The following FOXP1 variants were observed in gnomAD, a reference collection of about 807,000 sequenced individuals.
The protein encoded by FOXP1 is forkhead box protein P1.
In FOXP1, 15 loss-of-function variants were observed where a neutral mutation model predicts 98.2. The observed-to-expected ratio is 0.15, with a 90% CI of 0.10 to 0.24. The LOEUF (loss-of-function observed/expected upper bound fraction) is 0.24, where lower values mean the gene tolerates loss of function less well. Ranked by LOEUF, FOXP1 falls within the 10% of genes least tolerant of loss-of-function variation. FOXP1 has a pLI of 1.00. For missense variants in FOXP1, 633 were observed against 848.5 expected, an observed-to-expected ratio of 0.75 and a Z score of 3.15; for synonymous variants, 371 against 314.5, an observed-to-expected ratio of 1.18 and a Z score of -1.90.
intron 11 of FOXP1, among the ~76,000 whole-genome samples, chr3:71,035,569 C>T (rs1334318411): frequency 2.6e-5 from 4 of 152,066 alleles, no homozygotes; most frequent in East Asian, 3.9e-4. Context: ...CATAATTTGC[C>T]GAGCTCTGTT....
chr3:71,085,073 C>T (rs1576659051), intron 7 of FOXP1, among the ~76,000 whole-genome samples: 1 of 152,156 alleles, frequency 6.6e-6, no homozygotes, highest in African/African-American at 2.4e-5. Flanking sequence ...TTGCCAAAAG[C>T]CACTTATTTC....
chr3:70,992,700 T>C (rs1269224872), intron 13 of FOXP1, among the ~76,000 whole-genome samples: 1 of 152,188 alleles, frequency 6.6e-6, no homozygotes, highest in African/African-American at 2.4e-5. Flanking sequence ...TTAAAGACTC[T>C]CTTGACATTT....
rs2032561128 is a variant in FOXP1, at chr3:70,959,120, T to A, written c.*127A>T. The A allele has an allele frequency of 2.0e-5, 22 of 1,101,512 alleles. No individual in the cohort carries two copies. The highest frequency in any genetic ancestry group is 3.0e-5 in the Non-Finnish European group (22 of 736,524). The allele number at this position is 1,101,512 out of a possible 1,614,324, so 68.2% of individuals were successfully genotyped here. A position where few individuals can be genotyped will look rare whatever the true frequency, so the allele number is the denominator to read the frequency against. On this transcript the variant is annotated 3_prime_UTR_variant, in exon 21 of 21. Transcript: ENST00000649528. ...TAAGAGTTAACACATTTCAGAGTTGTCAAAACGTAGTGAAAATCCTCCAGA... is the reference window on the plus strand; with the variant it reads ...TAAGAGTTAACACATTTCAGAGTTGACAAAACGTAGTGAAAATCCTCCAGA...
At chr3:71,302,336 T>C (rs983270013) in intron 4 of FOXP1, among the ~76,000 whole-genome samples, 4 of 152,114 alleles carry the variant, frequency 2.6e-5, no homozygotes, top group African/African-American at 9.7e-5. Context: ...AACCAACAAC[T>C]AGCAGAAAAA....
intron 4 of FOXP1, among the ~76,000 whole-genome samples, chr3:71,355,800 G>A (rs955520485): frequency 1.3e-5 from 2 of 152,118 alleles, no homozygotes; most frequent in African/African-American, 4.8e-5. Context: ...TATCACTGCA[G>A]GTTTGTTATT....
At chr3:71,411,238 G>A (rs917363358) in intron 3 of FOXP1, among the ~76,000 whole-genome samples, 1 of 151,778 alleles carries the variant, frequency 6.6e-6, no homozygotes, top group Non-Finnish European at 1.5e-5. Context: ...CCTCCAGAGT[G>A]GACAAACTTG....
intron 2 of FOXP1, among the ~76,000 whole-genome samples, chr3:71,546,306 C>A (rs763509404): frequency 3.3e-5 from 5 of 152,100 alleles, no homozygotes; most frequent in African/African-American, 1.2e-4. Flanking sequence ...TTAACATTCA[C>A]GAAATACACC....
chr3:71,430,778 G>A (rs1485247057), intron 3 of FOXP1, among the ~76,000 whole-genome samples: 2 of 152,166 alleles, frequency 1.3e-5, no homozygotes, highest in Non-Finnish European at 1.5e-5. Flanking sequence ...CTTAAACTCT[G>A]CCTTATGGTG....
chr3:71,055,012 T>TA (rs1429959112), intron 7 of FOXP1, among the ~76,000 whole-genome samples: 1 of 152,094 alleles, frequency 6.6e-6, no homozygotes, highest in African/African-American at 2.4e-5. Context: ...GATCAGAAGA[T>TA]AAAAGAATTA....
At chr3:71,431,896 T>C (rs1268548775) in intron 3 of FOXP1, among the ~76,000 whole-genome samples, 4 of 152,210 alleles carry the variant, frequency 2.6e-5, no homozygotes, top group African/African-American at 9.6e-5. Flanking sequence ...GAGTGATTTT[T>C]TTAAAAAGAC....
At chr3:71,106,291 T>C (rs1335220535) in intron 7 of FOXP1, among the ~76,000 whole-genome samples, 3 of 152,256 alleles carry the variant, frequency 2.0e-5, no homozygotes, top group African/African-American at 7.2e-5. Context: ...AATTCTTAGA[T>C]ACATTTAAAC....
chr3:71,151,390 A>G (rs1433287045), intron 6 of FOXP1, among the ~76,000 whole-genome samples: 1 of 152,198 alleles, frequency 6.6e-6, no homozygotes, highest in Non-Finnish European at 1.5e-5. Context: ...ACAAAGTTGT[A>G]TTGGGGGAGC....
chr3:71,459,917 T>A (rs1429028301), intron 3 of FOXP1, among the ~76,000 whole-genome samples: 1 of 151,792 alleles, frequency 6.6e-6, no homozygotes, highest in Non-Finnish European at 1.5e-5. Context: ...AAATAATATA[T>A]CAGGCCCCAT....
intron 11 of FOXP1, among the ~76,000 whole-genome samples, chr3:71,033,756 C>G (rs1008703451): frequency 6.6e-6 from 1 of 152,166 alleles, no homozygotes; most frequent in African/African-American, 2.4e-5. Context: ...AATCCTTTCT[C>G]CCACTTCTAA....
At chr3:71,550,434 G>A (rs1325476181) in intron 2 of FOXP1, among the ~76,000 whole-genome samples, 1 of 152,156 alleles carries the variant, frequency 6.6e-6, no homozygotes, top group Non-Finnish European at 1.5e-5. Context: ...GAGGCCTGGT[G>A]ACAGATAAAT....
chr3:71,019,011 C>G (rs958392427), intron 11 of FOXP1, among the ~76,000 whole-genome samples: 3 of 152,182 alleles, frequency 2.0e-5, no homozygotes, highest in Admixed American at 2.0e-4. Flanking sequence ...GGCTGGGACT[C>G]GCTTCTAGCT....
At chr3:71,100,487 C>T (rs866671946) in intron 7 of FOXP1, among the ~76,000 whole-genome samples, 15 of 152,248 alleles carry the variant, frequency 9.9e-5, no homozygotes, top group Middle Eastern at 3.4e-3. Context: ...CAGAAGAAAC[C>T]TTCTAGGGGG....
intron 2 of FOXP1, among the ~76,000 whole-genome samples, chr3:71,536,304 G>T (rs1028931509): frequency 1.3e-5 from 2 of 152,014 alleles, no homozygotes; most frequent in African/African-American, 4.8e-5. Context: ...ATTTACTTGT[G>T]ACCCACGAAT....
At chr3:71,027,509 A>G (rs1176238896) in intron 11 of FOXP1, among the ~76,000 whole-genome samples, 1 of 152,210 alleles carries the variant, frequency 6.6e-6, no homozygotes, top group East Asian at 1.9e-4. Flanking sequence ...ATTTCTCTAT[A>G]GCACAAGATG....
Sources: allele counts gnomAD v4.1 joint callset (sites outside exome capture counted in the v4.1 genomes callset), GRCh38; gene constraint gnomAD v4.1.1; transcripts MANE v1.5; gene names NCBI Gene and HGNC (gene_info 2026-07-23, HGNC 2026-07-21).